The following MTSS1 variants were observed in gnomAD, a reference collection of about 807,000 sequenced individuals.
The protein encoded by MTSS1 is MTSS I-BAR domain containing 1.
Under a neutral mutation model 79.0 loss-of-function variants are expected in MTSS1, and 18 were observed. That is an observed-to-expected ratio of 0.23 (90% CI 0.16 to 0.34). MTSS1 has a LOEUF of 0.34. Among genes scored for constraint, MTSS1 ranks in the 10% least tolerant of loss-of-function variants. The pLI is 1.00. For missense variants in MTSS1, 815 were observed against 986.2 expected (o/e 0.83, Z 2.33); for synonymous variants, 341 against 368.6 (o/e 0.93, Z 0.86).
In MTSS1 at chr8:124,699,319, T is replaced by C. The variant is rs568290907; in HGVS notation, c.208+207A>G. On this transcript the variant is annotated intron_variant, in intron 3 of 13. Transcript: ENST00000518547. ...GAAACAGTGGTTCATTTTCTTCCTT[T>C]TTCATTCTTCTTCACATGTGCTTTA... The C allele has an allele frequency of 1.0e-4, 58 of 555,048 alleles. 1 individual carries two copies. The Admixed American group carries it at 1.5e-3, about 14-fold the overall frequency. The allele number at this position is 555,048 out of a possible 1,614,324, so 34.4% of individuals were successfully genotyped here.
rs1248096075 is a variant in MTSS1, at chr8:124,699,619, C to A, written c.135-20G>T. On this transcript the variant is annotated intron_variant, in intron 2 of 13. Coordinates refer to ENST00000518547, the MANE Select transcript of MTSS1 (RefSeq NM_014751.6). ...GTTGTCCTAAAATGCAAACAGATAACAAAAGCATAAGGAATGTCTCTCCCT... is the reference window on the plus strand; with the variant it reads ...GTTGTCCTAAAATGCAAACAGATAAAAAAAGCATAAGGAATGTCTCTCCCT... 6.2e-7 allele frequency: 1 copy of A among 1,611,742 alleles called. No individual in the cohort carries two copies. The highest frequency in any genetic ancestry group is 8.5e-7 in the Non-Finnish European group (1 of 1,178,088).
chr8:124,723,031 A>G (rs1206549910), intron 1 of MTSS1, among the ~76,000 whole-genome samples: 1 of 152,216 alleles, frequency 6.6e-6, no homozygotes, highest in African/African-American at 2.4e-5. Context: ...AAGCATTTTA[A>G]CAGCCTTAAG....
chr8:124,597,393 C>T lies in MTSS1; in HGVS notation c.209-6158G>A, dbSNP rs145111874. Among the ~76,000 whole-genome samples, 22 of 152,272 alleles carry T rather than the reference C, an allele frequency of 1.4e-4. No individual in the cohort carries two copies. In the East Asian group the frequency reaches 3.5e-3, roughly 24 times the overall value. Reference sequence around the variant, plus strand: ...ACATTCCCAGCTGAGGACAAAGAGGCACATTAAAGTCACAAACAGAATACA... The same window carrying T: ...ACATTCCCAGCTGAGGACAAAGAGGTACATTAAAGTCACAAACAGAATACA... On this transcript the variant is annotated intron_variant, in intron 3 of 13. Transcript: ENST00000518547. The surrounding 1 kb of genome is among the most constrained non-coding windows in gnomAD (Gnocchi z 4.6).
intron 9 of MTSS1, 142 bp downstream of exon 9, chr8:124,565,520 A>G (rs560390616): frequency 1.4e-6 from 1 of 710,074 alleles, no homozygotes; most frequent in Non-Finnish European, 2.3e-6. Flanking sequence ...GACCAAAATT[A>G]TTACCATTCT....
At chr8:124,564,024 G>A (rs983817084) in intron 9 of MTSS1, among the ~76,000 whole-genome samples, 1 of 151,522 alleles carries the variant, frequency 6.6e-6, no homozygotes, top group Non-Finnish European at 1.5e-5. Context: ...GCAGCTACTT[G>A]GGAGGCCAAG....
chr8:124,620,715 AGTGGCAGGAAT>A (rs1440938669), intron 3 of MTSS1, among the ~76,000 whole-genome samples: 2 of 152,248 alleles, frequency 1.3e-5, no homozygotes, highest in African/African-American at 4.8e-5. Context: ...CACAGATGTT[AGTGGCAGGAAT>A]GGCTATCTTG....
chr8:124,567,956 T>C, intron 7 of MTSS1: 1 of 1,384,538 alleles, frequency 7.2e-7, no homozygotes, highest in South Asian at 1.8e-5. Context: ...GGTCACCCCT[T>C]AGTACTCGGC....
chr8:124,720,648 G>GA (rs1832773418), intron 1 of MTSS1, among the ~76,000 whole-genome samples: 1 of 152,136 alleles, frequency 6.6e-6, no homozygotes, highest in African/African-American at 2.4e-5. Flanking sequence ...TACTTAGCAA[G>GA]AAAAAAACTC....
chr8:124,627,317 G>A (rs567411250), intron 3 of MTSS1, among the ~76,000 whole-genome samples: 5 of 152,300 alleles, frequency 3.3e-5, no homozygotes, highest in South Asian at 2.1e-4. Flanking sequence ...GGGCATAATC[G>A]TTACATTCGC....
intron 3 of MTSS1, among the ~76,000 whole-genome samples, chr8:124,676,400 A>C (rs1825295634): frequency 6.6e-6 from 1 of 152,202 alleles, no homozygotes; most frequent in South Asian, 2.1e-4. Context: ...TGACCAGAAC[A>C]CTCAGACCTT....
At chr8:124,710,626 G>A (rs563373514) in intron 1 of MTSS1, among the ~76,000 whole-genome samples, 4 of 152,332 alleles carry the variant, frequency 2.6e-5, no homozygotes, top group East Asian at 1.9e-4. Context: ...GTTTGGCTTC[G>A]TTTTGTTTCC....
chr8:124,661,180 T>C (rs1051387883), intron 3 of MTSS1, among the ~76,000 whole-genome samples: 2 of 152,198 alleles, frequency 1.3e-5, no homozygotes, highest in Non-Finnish European at 2.9e-5. Context: ...CCAACACATG[T>C]AGGTTTTAAG....
At chr8:124,557,004 G>A (rs1437126600) in intron 11 of MTSS1, among the ~76,000 whole-genome samples, 3 of 152,270 alleles carry the variant, frequency 2.0e-5, no homozygotes, top group Non-Finnish European at 4.4e-5. Flanking sequence ...AACGCTGGCA[G>A]CCAAGGGGCC....
intron 3 of MTSS1, among the ~76,000 whole-genome samples, chr8:124,598,244 A>C (rs1833108140): frequency 6.6e-6 from 1 of 152,192 alleles, no homozygotes; most frequent in Non-Finnish European, 1.5e-5. Context: ...ACAGTGAGCT[A>C]TGATCACACC....
In MTSS1 at chr8:124,597,050, C is replaced by T. The variant is rs987911717; in HGVS notation, c.209-5815G>A. On this transcript the variant is annotated intron_variant, in intron 3 of 13. Coordinates refer to ENST00000518547, the MANE Select transcript of MTSS1 (RefSeq NM_014751.6). This position sits in a 1 kb window ranked among gnomAD's most constrained non-coding sequence, Gnocchi z 4.6. Reference sequence around the variant, plus strand: ...ACATCAACCTATCTTTCTGGGGGTGCGCCGCAGTCCACGGCCCACATCCTA... The same window carrying T: ...ACATCAACCTATCTTTCTGGGGGTGTGCCGCAGTCCACGGCCCACATCCTA... 3.3e-5 allele frequency among the ~76,000 whole-genome samples: 5 copies of T among 152,214 alleles called. No homozygotes were observed. Among genetic ancestry groups the T allele is most frequent in the South Asian group, 2.1e-4 (1 of 4,818 alleles).
At chr8:124,639,715 C>T (rs566914170) in intron 3 of MTSS1, among the ~76,000 whole-genome samples, 1 of 152,292 alleles carries the variant, frequency 6.6e-6, no homozygotes, top group Admixed American at 6.5e-5. Flanking sequence ...CTGCCTGCTT[C>T]GACCTCCCAA....
chr8:124,635,271 C>T (rs1408995867), intron 3 of MTSS1, among the ~76,000 whole-genome samples: 10 of 150,000 alleles, frequency 6.7e-5, no homozygotes, highest in Non-Finnish European at 1.3e-4. Context: ...ATACAGGGAA[C>T]AGAGTCAAAT....
chr8:124,586,691 G>T (rs928028010), intron 5 of MTSS1, among the ~76,000 whole-genome samples: 2 of 152,182 alleles, frequency 1.3e-5, no homozygotes, highest in East Asian at 3.9e-4. Context: ...CGAGGCTGGG[G>T]GTTAGGAGCT....
chr8:124,612,632 G>A (rs1019178577), intron 3 of MTSS1, among the ~76,000 whole-genome samples: 12 of 86,970 alleles, frequency 1.4e-4, no homozygotes, highest in Admixed American at 2.3e-4. Flanking sequence ...GTGTGTGTGT[G>A]TACGAGAGAG....
Sources: gnomAD v4.1 joint callset for allele counts (sites outside exome capture counted in the v4.1 genomes callset) on GRCh38, gnomAD v4.1.1 for gene constraint, Gnocchi (gnomAD v3.1) non-coding constraint, MANE v1.5 for transcripts, NCBI Gene and HGNC (gene_info 2026-07-23, HGNC 2026-07-21) for gene names.